NUDCD3: variants seen among roughly 807,000 people sequenced by gnomAD.
NUDCD3 encodes the protein NudC domain containing 3, also known as nudC domain-containing protein 3.
NUDCD3 carries 13 observed loss-of-function variants against 39.7 expected under a neutral mutation model. The observed-to-expected ratio is 0.33, with a 90% CI of 0.21 to 0.52. NUDCD3 has a LOEUF of 0.52. Among genes scored for constraint, NUDCD3 ranks in the 20% least tolerant of loss-of-function variants. NUDCD3 has a pLI of 0.96. For synonymous variants in NUDCD3, 175 were observed against 172.4 expected, an observed-to-expected ratio of 1.02 and a Z score of -0.12; for missense variants, 453 against 458.1, an observed-to-expected ratio of 0.99 and a Z score of 0.10.
chr7:44,484,067 A>T (rs1585110846), intron 2 of NUDCD3, among the ~76,000 whole-genome samples: 2 of 152,218 alleles, frequency 1.3e-5, no homozygotes, highest in East Asian at 3.8e-4. Context: ...GAAAGAGAGT[A>T]AAGGAGTGAG....
At chr7:44,392,001 G>A (rs527611703) in intron 5 of NUDCD3, among the ~76,000 whole-genome samples, 48 of 152,320 alleles carry the variant, frequency 3.2e-4, no homozygotes, top group African/African-American at 1.1e-3. Flanking sequence ...CAACACACTT[G>A]ATGTTACCAG....
chr7:44,420,081 C>CA (rs1383839421), intron 3 of NUDCD3, among the ~76,000 whole-genome samples: 6 of 151,742 alleles, frequency 4.0e-5, no homozygotes, highest in Non-Finnish European at 5.9e-5. Flanking sequence ...TAACCCAATG[C>CA]AAAAAAGCTA....
chr7:44,487,331 G>A (rs187360207), intron 1 of NUDCD3, among the ~76,000 whole-genome samples: 267 of 152,202 alleles, frequency 1.8e-3, no homozygotes, highest in African/African-American at 5.9e-3. Flanking sequence ...GTTCCACAAT[G>A]ATGCAGCCCA....
intron 2 of NUDCD3, among the ~76,000 whole-genome samples, chr7:44,452,562 C>T (rs1469266846): frequency 2.6e-5 from 4 of 152,300 alleles, no homozygotes; most frequent in African/African-American, 9.6e-5. Context: ...TCCCAGGAAG[C>T]CGACAAAGCA....
intron 2 of NUDCD3, among the ~76,000 whole-genome samples, chr7:44,430,316 G>T (rs2116906137): frequency 6.6e-6 from 1 of 152,168 alleles, no homozygotes; most frequent in Non-Finnish European, 1.5e-5. Context: ...ACAGAGAGGG[G>T]GACTCACCCA....
intron 2 of NUDCD3, among the ~76,000 whole-genome samples, chr7:44,482,925 A>G (rs1800522118): frequency 1.3e-5 from 2 of 152,212 alleles, no homozygotes; most frequent in Non-Finnish European, 2.9e-5. Flanking sequence ...CTGCAGGGCT[A>G]AAAAATAAAC....
chr7:44,488,407 G>C (rs1800663215), intron 1 of NUDCD3, among the ~76,000 whole-genome samples: 1 of 150,900 alleles, frequency 6.6e-6, no homozygotes, highest in Non-Finnish European at 1.5e-5. Context: ...ACCACTTCCA[G>C]AAAACATGAC....
At chr7:44,458,503 C>CA (rs1198198454) in intron 2 of NUDCD3, among the ~76,000 whole-genome samples, 1 of 151,954 alleles carries the variant, frequency 6.6e-6, no homozygotes, top group Non-Finnish European at 1.5e-5. Flanking sequence ...CTATTAAATA[C>CA]AAAAAATTAG....
At chr7:44,436,317 AAAC>A (rs1799463007) in intron 2 of NUDCD3, among the ~76,000 whole-genome samples, 1 of 152,214 alleles carries the variant, frequency 6.6e-6, no homozygotes, top group African/African-American at 2.4e-5. Flanking sequence ...GAGAAAGATG[AAAC>A]AACAACCATG....
intron 4 of NUDCD3, among the ~76,000 whole-genome samples, chr7:44,400,531 T>C (rs1798701939): frequency 6.6e-6 from 1 of 152,226 alleles, no homozygotes; most frequent in Non-Finnish European, 1.5e-5. Flanking sequence ...ACAGCAGTGC[T>C]GTGATGGGAG....
chr7:44,427,830 T>C (rs1799268229), intron 2 of NUDCD3, 127 bp from the exon 3 acceptor site: 2 of 933,404 alleles, frequency 2.1e-6, no homozygotes, highest in African/African-American at 3.3e-5. Context: ...TCAAGTTCAC[T>C]GGCTCTGGCA....
chr7:44,458,472 C>A (rs568765224), intron 2 of NUDCD3, among the ~76,000 whole-genome samples: 1 of 152,086 alleles, frequency 6.6e-6, no homozygotes, highest in South Asian at 2.1e-4. Context: ...CTAGCCTGAC[C>A]AACATGGTGA....
intron 1 of NUDCD3, among the ~76,000 whole-genome samples, chr7:44,489,030 G>C (rs1392275402): frequency 6.6e-6 from 1 of 152,180 alleles, no homozygotes; most frequent in Non-Finnish European, 1.5e-5. Context: ...AGACAAAAGT[G>C]TTCTCATCCT....
chr7:44,417,353 G>A (rs1799048175), intron 3 of NUDCD3, among the ~76,000 whole-genome samples: 1 of 152,204 alleles, frequency 6.6e-6, no homozygotes, highest in Non-Finnish European at 1.5e-5. Flanking sequence ...CAACATCCCA[G>A]ATAGTCAACA....
At chr7:44,406,351 A>G (rs1798820978) in intron 3 of NUDCD3, among the ~76,000 whole-genome samples, 1 of 152,200 alleles carries the variant, frequency 6.6e-6, no homozygotes, top group African/African-American at 2.4e-5. Context: ...TAGGCAACTG[A>G]GCTTCACTCC....
intron 5 of NUDCD3, among the ~76,000 whole-genome samples, chr7:44,386,451 C>A (rs1798404835): frequency 6.6e-6 from 1 of 152,184 alleles, no homozygotes. Flanking sequence ...AAACACCCTG[C>A]AACATCTATG....
chr7:44,439,935 A>G (rs73693185), intron 2 of NUDCD3, among the ~76,000 whole-genome samples: 14,517 of 152,252 alleles, frequency 0.095, 2,183 homozygotes, highest in African/African-American at 0.32. Flanking sequence ...TATTTGCATA[A>G]TCTCTAAGTC....
chr7:44,440,558 T>G (rs1378849209), intron 2 of NUDCD3, among the ~76,000 whole-genome samples: 1 of 151,410 alleles, frequency 6.6e-6, no homozygotes, highest in Non-Finnish European at 1.5e-5. Context: ...GATTTTTTTT[T>G]TTCGATTTTT....
intron 4 of NUDCD3, among the ~76,000 whole-genome samples, chr7:44,392,899 T>C (rs555987112): frequency 3.3e-5 from 5 of 152,164 alleles, no homozygotes; most frequent in Admixed American, 3.3e-4. Context: ...CCTGCCCCCA[T>C]GCTTGCCATG....
Sources: gnomAD v4.1 joint callset for allele counts (sites outside exome capture counted in the v4.1 genomes callset) on GRCh38, gnomAD v4.1.1 for gene constraint, MANE v1.5 for transcripts, NCBI Gene and HGNC (gene_info 2026-07-23, HGNC 2026-07-21) for gene names.